The following SLCO5A1 variants were observed in gnomAD, a reference collection of about 807,000 sequenced individuals.
SLCO5A1 encodes the protein solute carrier organic anion transporter family member 5A1.
In SLCO5A1, 39 loss-of-function variants were observed where a neutral mutation model predicts 65.1. The ratio of observed to expected loss-of-function variants is 0.60; its 90% confidence interval spans 0.46 to 0.78. The LOEUF (loss-of-function observed/expected upper bound fraction) is 0.78. SLCO5A1 is among the 30% of genes least tolerant of loss of function. The pLI, the probability that SLCO5A1 is intolerant of heterozygous loss-of-function variation, is 0.00. For missense variants in SLCO5A1, 1,029 were observed against 1,069.4 expected, an observed-to-expected ratio of 0.96 and a Z score of 0.53; for synonymous variants, 438 against 415.7, an observed-to-expected ratio of 1.05 and a Z score of -0.65.
At chr8:69,787,921 C>A (rs1819108181) in intron 2 of SLCO5A1, among the ~76,000 whole-genome samples, 1 of 152,134 alleles carries the variant, frequency 6.6e-6, no homozygotes, top group Non-Finnish European at 1.5e-5. Context: ...ACTCTTTTTA[C>A]AATGTACATG....
chr8:69,676,485 C>T (rs2130784394), intron 9 of SLCO5A1, 124 bp downstream of exon 9: 2 of 732,938 alleles, frequency 2.7e-6, no homozygotes, highest in South Asian at 1.9e-5. Flanking sequence ...TGTACCCTCA[C>T]CACTAGCCTG....
chr8:69,774,540 A>G (rs1818479405), intron 2 of SLCO5A1, among the ~76,000 whole-genome samples: 1 of 152,060 alleles, frequency 6.6e-6, no homozygotes, highest in Non-Finnish European at 1.5e-5. Flanking sequence ...CTCATTGCCC[A>G]TGGCTCCCCC....
intron 9 of SLCO5A1, among the ~76,000 whole-genome samples, chr8:69,673,725 T>C (rs1467004763): frequency 3.3e-5 from 5 of 152,216 alleles, no homozygotes; most frequent in African/African-American, 4.8e-5. Flanking sequence ...CAACAGGCTA[T>C]ACTAGAACCC....
intron 6 of SLCO5A1, among the ~76,000 whole-genome samples, chr8:69,701,119 G>A (rs1814717673): frequency 6.6e-6 from 1 of 152,150 alleles, no homozygotes; most frequent in African/African-American, 2.4e-5. Flanking sequence ...GGAACTCTGA[G>A]CTCATCAGAT....
At chr8:69,792,782 T>A (rs907283555) in intron 2 of SLCO5A1, among the ~76,000 whole-genome samples, 1 of 152,014 alleles carries the variant, frequency 6.6e-6, no homozygotes, top group African/African-American at 2.4e-5. Flanking sequence ...AAAGTCAAGA[T>A]GCAAGACGTT....
At chr8:69,679,716 G>A (rs1813688650) in intron 7 of SLCO5A1, 97 bp from the exon 8 acceptor site, 1 of 1,491,034 alleles carries the variant, frequency 6.7e-7, no homozygotes, top group African/African-American at 1.4e-5. Flanking sequence ...CTCTAAAATA[G>A]CTCAAATATT....
intron 2 of SLCO5A1, among the ~76,000 whole-genome samples, chr8:69,763,028 G>A (rs1017846572): frequency 7.2e-5 from 11 of 152,216 alleles, no homozygotes; most frequent in Non-Finnish European, 1.5e-4. Context: ...TGGGCATATA[G>A]GCCAGGCACG....
At position 69,825,755 on chromosome 8, in the gene SLCO5A1, T is replaced by C. The variant is rs1440466356; in HGVS notation, c.907+6012A>G. Among the ~76,000 whole-genome samples, 275 of 152,008 alleles carry C rather than the reference T, an allele frequency of 1.8e-3. 1 individual carries two copies. Among genetic ancestry groups the C allele is most frequent in the Admixed American group, 3.5e-3 (54 of 15,244 alleles). ...ATCCCCATCAAGCTACCAATGACTTTCTTCACAGAATTGGAAAAAACTACT... is the reference window on the plus strand; with the variant it reads ...ATCCCCATCAAGCTACCAATGACTTCCTTCACAGAATTGGAAAAAACTACT... On this transcript the variant is annotated intron_variant, in intron 2 of 9. Coordinates refer to ENST00000260126, the MANE Select transcript of SLCO5A1 (RefSeq NM_030958.3).
At chr8:69,690,421 A>T (rs1267643631) in intron 6 of SLCO5A1, among the ~76,000 whole-genome samples, 3 of 151,928 alleles carry the variant, frequency 2.0e-5, no homozygotes, top group Non-Finnish European at 4.4e-5. Flanking sequence ...TGGAGAAAAA[A>T]CTCTTAAGTA....
intron 4 of SLCO5A1, among the ~76,000 whole-genome samples, chr8:69,742,794 C>CTTTTTTTTTTT (rs10633803): frequency 8.4e-5 from 7 of 83,194 alleles, no homozygotes; most frequent in African/African-American, 2.4e-4. Context: ...TGAGTGGATT[C>CTTTTTTTTTTT]TTTTTTTTTT....
At position 69,718,216 on chromosome 8, in the gene SLCO5A1, G is replaced by A. The variant is rs931496892; in HGVS notation, c.1424-12987C>T. Among the ~76,000 whole-genome samples the A allele has an allele frequency of 3.3e-5, 5 of 152,150 alleles. No individual in the cohort carries two copies. In the South Asian group the frequency reaches 1.0e-3, roughly 31 times the overall value. On this transcript the variant is annotated intron_variant, in intron 5 of 9. Transcript: ENST00000260126. Reference sequence around the variant, plus strand: ...ATTGCTAGTGTATAGAAATACAATAGATTTTTGTATATTGATCTTGTAAGA... The same window carrying A: ...ATTGCTAGTGTATAGAAATACAATAAATTTTTGTATATTGATCTTGTAAGA...
intron 4 of SLCO5A1, among the ~76,000 whole-genome samples, chr8:69,747,946 C>G (rs1298195267): frequency 1.3e-5 from 2 of 152,144 alleles, no homozygotes; most frequent in Non-Finnish European, 2.9e-5. Flanking sequence ...AAAGCAAAAC[C>G]AAGACTGCTT....
At chr8:69,823,597 C>T (rs1386574062) in intron 2 of SLCO5A1, among the ~76,000 whole-genome samples, 1 of 152,060 alleles carries the variant, frequency 6.6e-6, no homozygotes, top group African/African-American at 2.4e-5. Context: ...ATATATGCAC[C>T]CAATACAGGA....
intron 5 of SLCO5A1, among the ~76,000 whole-genome samples, chr8:69,724,663 G>A (rs183985043): frequency 2.2e-4 from 34 of 152,278 alleles, no homozygotes; most frequent in Admixed American, 1.7e-3. Context: ...GTCTAAGCAC[G>A]TTTCATTCTT....
intron 2 of SLCO5A1, among the ~76,000 whole-genome samples, chr8:69,771,671 G>T (rs1268372997): frequency 2.0e-5 from 3 of 152,116 alleles, no homozygotes; most frequent in Non-Finnish European, 4.4e-5. Flanking sequence ...ACCTCTTCTG[G>T]GCATATCTTG....
At chr8:69,822,597 A>G (rs1391539381) in intron 2 of SLCO5A1, among the ~76,000 whole-genome samples, 1 of 152,148 alleles carries the variant, frequency 6.6e-6, no homozygotes, top group Non-Finnish European at 1.5e-5. Context: ...AGAGCAAACT[A>G]TCTCTCACTC....
At chr8:69,757,427 A>G (rs1817583089) in intron 3 of SLCO5A1, among the ~76,000 whole-genome samples, 1 of 152,126 alleles carries the variant, frequency 6.6e-6, no homozygotes, top group Non-Finnish European at 1.5e-5. Flanking sequence ...GGATCACCTG[A>G]GGTGTAATCC....
At chr8:69,779,540 T>G (rs1040288593) in intron 2 of SLCO5A1, among the ~76,000 whole-genome samples, 1 of 152,198 alleles carries the variant, frequency 6.6e-6, no homozygotes, top group Admixed American at 6.5e-5. Context: ...ATAACTGTTA[T>G]TTAATGACTA....
At chr8:69,699,142 A>G (rs1320186926) in intron 6 of SLCO5A1, among the ~76,000 whole-genome samples, 1 of 152,204 alleles carries the variant, frequency 6.6e-6, no homozygotes, top group East Asian at 1.9e-4. Flanking sequence ...ACACAATTTT[A>G]AGCAAATTCC....
Sources: gnomAD v4.1 joint callset for allele counts (sites outside exome capture counted in the v4.1 genomes callset) on GRCh38, gnomAD v4.1.1 for gene constraint, MANE v1.5 for transcripts, NCBI Gene and HGNC (gene_info 2026-07-23, HGNC 2026-07-21) for gene names.